The following RSU1 variants were observed in gnomAD, a reference collection of about 807,000 sequenced individuals.
RSU1 encodes rsu-1.
In RSU1, 26 loss-of-function variants were observed where a neutral mutation model predicts 31.1. That is an observed-to-expected ratio of 0.84 (90% CI 0.61 to 1.16). The LOEUF (loss-of-function observed/expected upper bound fraction) is 1.16, where lower values mean the gene tolerates loss of function less well. Ranked by LOEUF, RSU1 falls within the 50% of genes most tolerant of loss-of-function variation. The pLI, the probability that RSU1 is intolerant of heterozygous loss-of-function variation, is 0.00. For missense variants in RSU1, 320 were observed against 339.1 expected (o/e 0.94, Z 0.44); for synonymous variants, 164 against 136.3 (o/e 1.20, Z -1.41).
At position 16,732,578 on chromosome 10, in the gene RSU1, A is replaced by G. The variant is rs76925562; in HGVS notation, c.598+19961T>C. ...TTCCCAGCCCAAAGAACCATGAGAA[A>G]TAAATTTCTGCTGTCTAAGTCACCC... On this transcript the variant is annotated intron_variant, in intron 7 of 8. Coordinates refer to ENST00000345264, the MANE Select transcript of RSU1 (RefSeq NM_012425.4). Among the ~76,000 whole-genome samples the G allele has an allele frequency of 2.8e-4, 42 of 152,356 alleles. No individual in the cohort carries two copies. The East Asian group carries it at 7.1e-3, about 26-fold the overall frequency.
intron 7 of RSU1, among the ~76,000 whole-genome samples, chr10:16,728,308 T>C (rs984250076): frequency 2.6e-5 from 4 of 152,248 alleles, no homozygotes; most frequent in South Asian, 4.2e-4. Flanking sequence ...ATAATATCAA[T>C]ATATAGAATG....
intron 2 of RSU1, among the ~76,000 whole-genome samples, chr10:16,814,305 A>G (rs1838475694): frequency 6.6e-6 from 1 of 152,026 alleles, no homozygotes; most frequent in African/African-American, 2.4e-5. Flanking sequence ...ACCATTAGCC[A>G]GGCGTGGTGG....
chr10:16,767,744 T>C (rs1209386989), intron 3 of RSU1, among the ~76,000 whole-genome samples: 1 of 152,038 alleles, frequency 6.6e-6, no homozygotes, highest in African/African-American at 2.4e-5. Flanking sequence ...ACACACAGCA[T>C]CTCAATACCT....
At chr10:16,662,988 A>AC (rs1491352082) in intron 8 of RSU1, among the ~76,000 whole-genome samples, 227 of 151,870 alleles carry the variant, frequency 1.5e-3, no homozygotes, top group African/African-American at 4.5e-3. Context: ...AAAAAAAAAA[A>AC]ACCCTCTAAG....
intron 8 of RSU1, among the ~76,000 whole-genome samples, chr10:16,624,638 C>G (rs1452915565): frequency 6.6e-6 from 1 of 152,150 alleles, no homozygotes; most frequent in Non-Finnish European, 1.5e-5. Flanking sequence ...TAATGCGACA[C>G]TTCTCTTATT....
At chr10:16,696,374 T>C (rs1278097147) in intron 7 of RSU1, among the ~76,000 whole-genome samples, 1 of 152,196 alleles carries the variant, frequency 6.6e-6, no homozygotes, top group Non-Finnish European at 1.5e-5. Flanking sequence ...AATGAAAGGA[T>C]AAATGAATTT....
At position 16,591,982 on chromosome 10, in the gene RSU1, A is replaced by G. The variant is rs527848691; in HGVS notation, c.*1412T>C. The G allele has an allele frequency of 2.0e-5, 3 of 152,326 alleles. No homozygotes were observed. Among genetic ancestry groups the G allele is most frequent in the East Asian group, 1.9e-4 (1 of 5,190 alleles). The allele number at this position is 152,326 out of a possible 1,614,324, so 9.4% of individuals were successfully genotyped here. A position where few individuals can be genotyped will look rare whatever the true frequency, so the allele number is the denominator to read the frequency against. ...TATCAGGAATTTGTCTAGAAGCCAGAAGTTTAGACCTTGCTCTGTGGCCTC... is the reference window on the plus strand; with the variant it reads ...TATCAGGAATTTGTCTAGAAGCCAGGAGTTTAGACCTTGCTCTGTGGCCTC... On this transcript the variant is annotated 3_prime_UTR_variant, in exon 9 of 9. Transcript: ENST00000345264.
intron 7 of RSU1, among the ~76,000 whole-genome samples, chr10:16,718,867 G>A (rs972808991): frequency 6.6e-6 from 1 of 151,696 alleles, no homozygotes; most frequent in African/African-American, 2.4e-5. Flanking sequence ...TGTAATCCCA[G>A]CTACTCGAAA....
chr10:16,622,558 T>TAC (rs1834088118), intron 8 of RSU1, among the ~76,000 whole-genome samples: 1 of 152,056 alleles, frequency 6.6e-6, no homozygotes, highest in African/African-American at 2.4e-5. Flanking sequence ...CACACACACA[T>TAC]ACACACAGGT....
intron 8 of RSU1, among the ~76,000 whole-genome samples, chr10:16,682,391 C>T (rs969661285): frequency 2.0e-5 from 3 of 152,140 alleles, no homozygotes; most frequent in Admixed American, 6.5e-5. Context: ...CCTGATATCC[C>T]GATATCTGGA....
At chr10:16,783,526 G>A (rs1373633445) in intron 2 of RSU1, among the ~76,000 whole-genome samples, 1 of 151,804 alleles carries the variant, frequency 6.6e-6, no homozygotes, top group Non-Finnish European at 1.5e-5. Context: ...CAGCTAATTT[G>A]TGTATTTTTA....
Position 16,817,350 on chromosome 10 carries a change from C to T in RSU1, c.-39G>A. ...AGCCCCTAAGACGATGGGCGTGCAA[C>T]CACAAGCTTCGGCAGAACGCACTCC... is the stretch of plus-strand genomic sequence containing the variant. On this transcript the variant is annotated 5_prime_UTR_variant, in exon 1 of 9. Coordinates refer to ENST00000345264, the MANE Select transcript of RSU1 (RefSeq NM_012425.4). 2 of 428,534 alleles carry T rather than the reference C, an allele frequency of 4.7e-6. No individual in the cohort carries two copies. Among genetic ancestry groups the T allele is most frequent in the Non-Finnish European group, 8.5e-6 (2 of 234,076 alleles). 26.5% of individuals were successfully genotyped at this position (428,534 alleles called of 1,614,324 possible).
chr10:16,806,104 G>A (rs1296780221), intron 2 of RSU1, among the ~76,000 whole-genome samples: 1 of 152,186 alleles, frequency 6.6e-6, no homozygotes, highest in Non-Finnish European at 1.5e-5. Flanking sequence ...AGGTTTTTTG[G>A]AATAGATTTT....
chr10:16,682,109 T>C (rs995059470), intron 8 of RSU1, among the ~76,000 whole-genome samples: 4 of 151,952 alleles, frequency 2.6e-5, no homozygotes, highest in African/African-American at 9.7e-5. Flanking sequence ...TGGGACAAGG[T>C]AGGAAAAATG....
chr10:16,746,086 TTC>T (rs2131614502), intron 7 of RSU1, among the ~76,000 whole-genome samples: 1 of 152,340 alleles, frequency 6.6e-6, no homozygotes, highest in East Asian at 1.9e-4. Flanking sequence ...TCATTGTTAA[TTC>T]TGTTTATTCT....
chr10:16,782,098 A>C lies in RSU1; in HGVS notation c.110-14T>G. 2 of 1,122,018 alleles carry C rather than the reference A, an allele frequency of 1.8e-6. No homozygotes were observed. The highest frequency in any genetic ancestry group is 2.4e-6 in the Non-Finnish European group (2 of 817,906). The allele number at this position is 1,122,018 out of a possible 1,614,324, so 69.5% of individuals were successfully genotyped here. A position where few individuals can be genotyped will look rare whatever the true frequency, so the allele number is the denominator to read the frequency against. The stretch of plus-strand genomic sequence containing the variant: ...GGGATAAGGTAACTAAAAAGAAAAG[A>C]AAAAAAAAAAGGTCAGTCAGTAAAT... On this transcript the variant is annotated splice_polypyrimidine_tract_variant and intron_variant, in intron 2 of 8. Transcript: ENST00000345264.
At chr10:16,816,427 A>T (rs191952850) in intron 2 of RSU1, among the ~76,000 whole-genome samples, 75 of 152,332 alleles carry the variant, frequency 4.9e-4, no homozygotes, top group Middle Eastern at 3.4e-3. Context: ...CAGTGATTAA[A>T]CTGGGCAGTG....
chr10:16,766,535 T>G (rs1430938199), intron 3 of RSU1, among the ~76,000 whole-genome samples: 1 of 152,084 alleles, frequency 6.6e-6, no homozygotes, highest in African/African-American at 2.4e-5. Flanking sequence ...ACCAACACGG[T>G]GCAACTCTGA....
intron 2 of RSU1, among the ~76,000 whole-genome samples, chr10:16,791,650 A>G (rs1342825476): frequency 1.3e-5 from 2 of 149,066 alleles, no homozygotes; most frequent in African/African-American, 5.0e-5. Flanking sequence ...AAAAAAAAAA[A>G]AGAAAAATCG....
Sources: allele counts gnomAD v4.1 joint callset (sites outside exome capture counted in the v4.1 genomes callset), GRCh38; gene constraint gnomAD v4.1.1; transcripts MANE v1.5; gene names NCBI Gene and HGNC (gene_info 2026-07-23, HGNC 2026-07-21).